The following SERPINB3 variants were observed in gnomAD, a reference collection of about 807,000 sequenced individuals.
SERPINB3 encodes serpin B3.
Under a neutral mutation model 33.0 loss-of-function variants are expected in SERPINB3, and 33 were observed. The observed-to-expected ratio is 1.00, with a 90% CI of 0.76 to 1.34. The LOEUF (loss-of-function observed/expected upper bound fraction) is 1.34. Ranked by LOEUF, SERPINB3 falls within the 40% of genes most tolerant of loss-of-function variation. SERPINB3 has a pLI of 0.00. For missense variants in SERPINB3, 518 were observed against 461.5 expected (o/e 1.12, Z -1.12); for synonymous variants, 200 against 170.9 (o/e 1.17, Z -1.33).
At position 63,661,420 on chromosome 18, in the gene SERPINB3, T is replaced by A. The variant is rs148760425; in HGVS notation, c.-26-178A>T. Among the ~76,000 whole-genome samples the A allele has an allele frequency of 7.2e-5, 11 of 152,326 alleles. No individual in the cohort carries two copies. In the East Asian group the frequency reaches 1.7e-3, roughly 24 times the overall value. On this transcript the variant is annotated intron_variant, in intron 1 of 7. Coordinates refer to ENST00000283752, the MANE Select transcript of SERPINB3 (RefSeq NM_006919.3). Reference sequence around the variant, plus strand: ...AATGTGCATATATTAAATATATTAATGTCTTAATTAGAAGCCTCACAAAAT... The same window carrying A: ...AATGTGCATATATTAAATATATTAAAGTCTTAATTAGAAGCCTCACAAAAT...
rs764001253 is a variant in SERPINB3, at chr18:63,656,016, A to G, written c.814T>C (p.Leu272=). The G allele has an allele frequency of 6.2e-7, 1 of 1,613,892 alleles. No homozygotes were observed. Among genetic ancestry groups the G allele is most frequent in the South Asian group, 1.1e-5 (1 of 91,074 alleles). Reference sequence around the variant, plus strand: ...ACACGTGTCTCTCTCATATTCTGCAAACTTGTCCATTCCATCAATTTCTCA... The same window carrying G: ...ACACGTGTCTCTCTCATATTCTGCAGACTTGTCCATTCCATCAATTTCTCA... ...TAEKLMEWTS[L]QNMRETRVDL... is the part of the protein sequence containing the mutation. The change falls in exon 8 of 8, where the codon TTG becomes CTG. Residue 272 remains leucine (L), a synonymous_variant. Coordinates refer to ENST00000283752, the MANE Select transcript of SERPINB3 (RefSeq NM_006919.3).
chr18:63,658,722 A>C, intron 4 of SERPINB3, 92 bp from the exon 5 acceptor site: 2 of 967,396 alleles, frequency 2.1e-6, no homozygotes, highest in Admixed American at 4.3e-5. Context: ...TAGTAAGCTG[A>C]ATCCAGACCC....
chr18:63,657,826 A>G (rs1303525169), intron 5 of SERPINB3, among the ~76,000 whole-genome samples: 1 of 143,154 alleles, frequency 7.0e-6, no homozygotes, highest in African/African-American at 2.6e-5. Flanking sequence ...GTAGGCCCTG[A>G]CTGCTTTTTA....
At chr18:63,661,316 A>C in intron 1 of SERPINB3, 74 bp from the exon 2 acceptor site, 1 of 1,457,398 alleles carries the variant, frequency 6.9e-7, no homozygotes, top group East Asian at 2.3e-5. Flanking sequence ...ATTTTCTTAA[A>C]GAAATTATAT....
chr18:63,659,653 T>C (rs1344857719), intron 3 of SERPINB3, 126 bp from the exon 4 acceptor site: 5 of 1,264,988 alleles, frequency 4.0e-6, no homozygotes, highest in Admixed American at 4.1e-5. Flanking sequence ...GCTTATTCCC[T>C]GATACTTGGT....
chr18:63,661,285 G>A (rs1339898517), intron 1 of SERPINB3, 43 bp from the exon 2 acceptor site: 3 of 1,536,344 alleles, frequency 2.0e-6, no homozygotes, highest in Non-Finnish European at 2.7e-6. Flanking sequence ...TTTAATAAAT[G>A]GAATGGTATT....
intron 3 of SERPINB3, among the ~76,000 whole-genome samples, chr18:63,660,165 C>T (rs752686814): frequency 4.6e-5 from 7 of 152,126 alleles, no homozygotes; most frequent in South Asian, 2.1e-4. Flanking sequence ...AGAAGTGCCA[C>T]GTTTTGAACC....
In SERPINB3 at chr18:63,655,825, C is replaced by T. The variant is rs2144490807; in HGVS notation, c.1005G>A (p.Glu335=). The T allele has an allele frequency of 6.2e-7, 1 of 1,614,016 alleles. No individual in the cohort carries two copies. The highest frequency in any genetic ancestry group is 8.5e-7 in the Non-Finnish European group (1 of 1,179,952). Residue 335 remains glutamate, a synonymous_variant, in exon 8 of 8, where the codon GAG becomes GAA. Transcript: ENST00000283752. ...LSGVLHKAFV[E]VTEEGAEAAA... is the part of the protein sequence containing the mutation. ...CAGCTTCTGCTCCCTCCTCTGTAAC[C>T]TCCACAAAGGCCTTGTGTAGGACTC...
intron 7 of SERPINB3, 88 bp from the exon 8 acceptor site, chr18:63,656,149 A>G: frequency 6.8e-7 from 1 of 1,461,670 alleles, no homozygotes; most frequent in Non-Finnish European, 9.1e-7. Context: ...GAGAATCCTT[A>G]TTTTGGCAAC....
In SERPINB3 at chr18:63,661,073, G is replaced by A. The variant is rs1913631309; in HGVS notation, c.144C>T (p.Asn48=). Residue 48 remains asparagine, a synonymous_variant, in exon 2 of 8, where the codon AAC becomes AAT. Coordinates refer to ENST00000283752, the MANE Select transcript of SERPINB3 (RefSeq NM_006919.3). ...CTACCTTCTTAATCTGTTGTGCAGT[G>A]TTGTCTTTGGCTCCTAAGAGGACCA... ...LGMVLLGAKD[N]TAQQIKKVLH... is the part of the protein sequence containing the mutation. The A allele has an allele frequency of 6.2e-7, 1 of 1,613,588 alleles. No homozygotes were observed. Among genetic ancestry groups the A allele is most frequent in the African/African-American group, 1.3e-5 (1 of 74,998 alleles).
In SERPINB3 at chr18:63,657,521, A is replaced by G. The variant is rs73962334; in HGVS notation, c.470-109T>C. The G allele has an allele frequency of 0.014, 12,108 of 895,772 alleles. 847 individuals carry two copies. In the African/African-American group the frequency reaches 0.16, roughly 12 times the overall value. 55.5% of individuals were successfully genotyped at this position (895,772 alleles called of 1,614,324 possible). A position where few individuals can be genotyped will look rare whatever the true frequency, so the allele number is the denominator to read the frequency against. ...TCGTTAATTATTGACCCAAATCCCT[A>G]CTTGAGACTCACTGACTTTGATCTT... On this transcript the variant is annotated intron_variant, in intron 5 of 7. Coordinates refer to ENST00000283752, the MANE Select transcript of SERPINB3 (RefSeq NM_006919.3).
At chr18:63,661,657 G>T (rs934346978) in intron 1 of SERPINB3, among the ~76,000 whole-genome samples, 189 bp downstream of exon 1, 1 of 151,350 alleles carries the variant, frequency 6.6e-6, no homozygotes, top group African/African-American at 2.4e-5. Flanking sequence ...AAAGTGCCTT[G>T]GTTTACTTGG....
chr18:63,659,721 T>G (rs964882176), intron 3 of SERPINB3, among the ~76,000 whole-genome samples, 194 bp from the exon 4 acceptor site: 1 of 152,156 alleles, frequency 6.6e-6, no homozygotes, highest in Non-Finnish European at 1.5e-5. Context: ...TTCCAGGAAA[T>G]TCTTCTTGCT....
At chr18:63,657,113 G>T in intron 6 of SERPINB3, 127 bp from the exon 7 acceptor site, 1 of 954,650 alleles carries the variant, frequency 1.0e-6, no homozygotes, top group African/African-American at 1.7e-5. Flanking sequence ...AGAGACAATA[G>T]CTTCTTCAGG....
chr18:63,658,373 C>T, intron 5 of SERPINB3, 140 bp downstream of exon 5: 1 of 654,644 alleles, frequency 1.5e-6, no homozygotes. Flanking sequence ...TTTGGAAAAA[C>T]TCTTCATCTG....
chr18:63,657,031 G>A lies in SERPINB3; in HGVS notation c.613-45C>T, dbSNP rs183998785. On this transcript the variant is annotated intron_variant, in intron 6 of 7. Coordinates refer to ENST00000283752, the MANE Select transcript of SERPINB3 (RefSeq NM_006919.3). ...CCAACAAATACCAAGTGAGACACAA[G>A]GCAAAAAGATAATATTATTGAGATA... 9.3e-6 allele frequency: 14 copies of A among 1,502,520 alleles called. 2 individuals carry two copies. The Admixed American group carries it at 2.5e-4, about 27-fold the overall frequency. 93.1% of individuals were successfully genotyped at this position (1,502,520 alleles called of 1,614,324 possible). A position where few individuals can be genotyped will look rare whatever the true frequency, so the allele number is the denominator to read the frequency against.
Position 63,655,906 on chromosome 18 carries a change from G to A in SERPINB3, c.924C>T (p.Phe308=), listed in dbSNP as rs1319872373. The change falls in exon 8 of 8, where the codon TTC becomes TTT. Residue 308 remains phenylalanine, a synonymous_variant. Transcript: ENST00000283752. ...TLRTMGMVDI[F]NGDADLSGMT... is the part of the protein sequence containing the mutation. ...TGCCTGAGAGGTCTGCATCCCCATT[G>A]AAGATATCCACCATTCCCATGGTTC... The A allele has an allele frequency of 6.2e-7, 1 of 1,613,932 alleles. No homozygotes were observed. Among genetic ancestry groups the A allele is most frequent in the Admixed American group, 1.7e-5 (1 of 59,972 alleles).
rs1347587850 is a variant in SERPINB3, at chr18:63,660,823, T to C, written c.199A>G (p.Thr67Ala). 3 of 1,613,278 alleles carry C rather than the reference T, an allele frequency of 1.9e-6. No homozygotes were observed. The African/African-American group carries it at 4.0e-5, about 22-fold the overall frequency. ...LHFDQVTENT[T>A]GKAATYHVDR... ...ACATGATATGTTGCAGCTTTTCCTG[T>C]GGTGTTCTCTGTGACTTGATCAAAG... The change falls in exon 3 of 8, where the codon ACA becomes GCA. Residue 67 changes from threonine to alanine, a missense_variant. Coordinates refer to ENST00000283752, the MANE Select transcript of SERPINB3 (RefSeq NM_006919.3).
At chr18:63,661,016 A>G in intron 2 of SERPINB3, 36 bp downstream of exon 2, 2 of 1,612,160 alleles carry the variant, frequency 1.2e-6, no homozygotes, top group Non-Finnish European at 1.7e-6. Context: ...CCAGAGAAAA[A>G]CTGCAACAGG....
Sources: gnomAD v4.1 joint callset for allele counts (sites outside exome capture counted in the v4.1 genomes callset) on GRCh38, gnomAD v4.1.1 for gene constraint, MANE v1.5 for transcripts, NCBI Gene and HGNC (gene_info 2026-07-23, HGNC 2026-07-21) for gene names.